The following CPEB4 variants were observed in gnomAD, a reference collection of about 807,000 sequenced individuals.
CPEB4 encodes the protein cytoplasmic polyadenylation element-binding protein 4.
Under a neutral mutation model 72.5 loss-of-function variants are expected in CPEB4, and 12 were observed. The observed-to-expected ratio is 0.17, with a 90% CI of 0.11 to 0.27. CPEB4 has a LOEUF of 0.27. CPEB4 is among the 10% of genes least tolerant of loss of function. The pLI, the probability that CPEB4 is intolerant of heterozygous loss-of-function variation, is 1.00. For synonymous variants in CPEB4, 302 were observed against 326.3 expected, an observed-to-expected ratio of 0.93 and a Z score of 0.80; for missense variants, 614 against 908.5, an observed-to-expected ratio of 0.68 and a Z score of 4.17.
At position 173,958,217 on chromosome 5, in the gene CPEB4, T is replaced by C. The variant is rs1758439432; in HGVS notation, c.*2080T>C. ...TTGTACATGACCTGCTGAATTTCGG[T>C]ACAGTGTTTTTGTAGCTAACTTATT... is the stretch of plus-strand genomic sequence containing the variant. On this transcript the variant is annotated 3_prime_UTR_variant, in exon 10 of 10. Coordinates refer to ENST00000265085, the MANE Select transcript of CPEB4 (RefSeq NM_030627.4). 6.5e-6 allele frequency: 1 copy of C among 152,794 alleles called. No homozygotes were observed. Among genetic ancestry groups the C allele is most frequent in the African/African-American group, 2.4e-5 (1 of 41,458 alleles). 9.5% of individuals were successfully genotyped at this position (152,794 alleles called of 1,614,324 possible). A position where few individuals can be genotyped will look rare whatever the true frequency, so the allele number is the denominator to read the frequency against.
intron 2 of CPEB4, among the ~76,000 whole-genome samples, chr5:173,912,080 A>C: frequency 6.6e-6 from 1 of 152,202 alleles, no homozygotes; most frequent in East Asian, 1.9e-4. Flanking sequence ...AAATAAGAAT[A>C]TTTGGAAGGT....
intron 1 of CPEB4, 37 bp from the exon 2 acceptor site, chr5:173,910,486 A>G (rs1756614605): frequency 1.4e-6 from 2 of 1,419,624 alleles, no homozygotes; most frequent in Non-Finnish European, 2.0e-6. Flanking sequence ...TTTAAATGCT[A>G]TTTTAAAAAG....
chr5:173,948,446 G>T (rs933374638), intron 5 of CPEB4, among the ~76,000 whole-genome samples: 1 of 152,142 alleles, frequency 6.6e-6, no homozygotes, highest in Admixed American at 6.5e-5. Context: ...GAGGCAGCAG[G>T]ATCACTTAAG....
At chr5:173,952,945 A>G (rs1758259413) in intron 8 of CPEB4, 146 bp from the exon 9 acceptor site, 2 of 652,344 alleles carry the variant, frequency 3.1e-6, no homozygotes, top group African/African-American at 1.8e-5. Context: ...AACACAATGG[A>G]TGACTGGTTG....
At chr5:173,928,002 A>G (rs577358935) in intron 2 of CPEB4, among the ~76,000 whole-genome samples, 15 of 152,354 alleles carry the variant, frequency 9.8e-5, no homozygotes, top group African/African-American at 3.6e-4. Context: ...ATGAAAAGAT[A>G]TGGAGGAACC....
chr5:173,930,990 C>A (rs1264970458), intron 2 of CPEB4, among the ~76,000 whole-genome samples: 226 of 79,962 alleles, frequency 2.8e-3, no homozygotes, highest in African/African-American at 5.3e-3. Context: ...GACTCTGTCT[C>A]AAAAAAAAAA....
At chr5:173,953,556 G>A in intron 9 of CPEB4, 1 of 379,996 alleles carries the variant, frequency 2.6e-6, no homozygotes, top group Non-Finnish European at 4.7e-6. Context: ...CACTTAGTTT[G>A]TAAGTCATTC....
At chr5:173,942,882 A>T (rs1757895816) in intron 3 of CPEB4, 144 bp from the exon 4 acceptor site, 1 of 761,078 alleles carries the variant, frequency 1.3e-6, no homozygotes, top group African/African-American at 1.8e-5. Context: ...TTGTTTTTTT[A>T]GACATTTACC....
chr5:173,914,360 A>G (rs1163490590), intron 2 of CPEB4, among the ~76,000 whole-genome samples: 1 of 152,240 alleles, frequency 6.6e-6, no homozygotes, highest in Non-Finnish European at 1.5e-5. Context: ...AAAAAAACAC[A>G]TTGTCATTTT....
At chr5:173,929,419 C>G (rs887839492) in intron 2 of CPEB4, among the ~76,000 whole-genome samples, 4 of 152,166 alleles carry the variant, frequency 2.6e-5, no homozygotes, top group Admixed American at 6.5e-5. Flanking sequence ...TCCCTTAGGG[C>G]TGGGTGAGGT....
intron 3 of CPEB4, among the ~76,000 whole-genome samples, chr5:173,932,958 A>G (rs966659360): frequency 9.9e-5 from 15 of 152,210 alleles, no homozygotes; most frequent in African/African-American, 3.4e-4. Flanking sequence ...AACAAGAAAC[A>G]TGAAGTTTTA....
intron 2 of CPEB4, among the ~76,000 whole-genome samples, chr5:173,911,310 G>A (rs1444627009): frequency 1.3e-5 from 2 of 148,906 alleles, no homozygotes; most frequent in South Asian, 2.1e-4. Flanking sequence ...TTGCCCTGTC[G>A]CCAGGCTGGA....
chr5:173,890,609 A>T lies in CPEB4; in HGVS notation c.876A>T (p.Ser292=). ...CGTGGAGCAGCTACCAGAGTCCGTC[A>T]CCAACACCCTCCTCTTCCTGGAGCC... is the stretch of plus-strand genomic sequence containing the variant. The part of the protein sequence containing the change: ...PSPWSSYQSP[S]PTPSSSWSPG... Residue 292 remains serine, a synonymous_variant, in exon 1 of 10, where the codon TCA becomes TCT. Transcript: ENST00000265085. 1 of 1,614,066 alleles carries T rather than the reference A, an allele frequency of 6.2e-7. No individual in the cohort carries two copies. The highest frequency in any genetic ancestry group is 1.3e-5 in the African/African-American group (1 of 75,018).
rs1561614193 is a variant in CPEB4 at position 173,914,799 on chromosome 5, A to G, written c.1207+4195A>G. On this transcript the variant is annotated intron_variant, in intron 2 of 9. Transcript: ENST00000265085. ...GAAAATTCGTGTTAATTCTGAGATTAGTAGAGAACAGTATACCACTCAGAA... is the reference window on the plus strand; with the variant it reads ...GAAAATTCGTGTTAATTCTGAGATTGGTAGAGAACAGTATACCACTCAGAA... 3.3e-5 allele frequency among the ~76,000 whole-genome samples: 5 copies of G among 152,328 alleles called. No individual in the cohort carries two copies. In the South Asian group the frequency reaches 1.0e-3, roughly 32 times the overall value.
At chr5:173,929,866 A>G (rs142322652) in intron 2 of CPEB4, among the ~76,000 whole-genome samples, 2 of 152,264 alleles carry the variant, frequency 1.3e-5, no homozygotes, top group African/African-American at 4.8e-5. Flanking sequence ...AATGTTATCA[A>G]ATATTTTTGT....
chr5:173,958,658 C>T lies in CPEB4; in HGVS notation c.*2521C>T, dbSNP rs533023959. 2 of 151,886 alleles carry T rather than the reference C, an allele frequency of 1.3e-5. No individual in the cohort carries two copies. The highest frequency in any genetic ancestry group is 2.9e-5 in the Non-Finnish European group (2 of 67,822). The allele number at this position is 151,886 out of a possible 1,614,324, so 9.4% of individuals were successfully genotyped here. On this transcript the variant is annotated 3_prime_UTR_variant, in exon 10 of 10. Coordinates refer to ENST00000265085, the MANE Select transcript of CPEB4 (RefSeq NM_030627.4). Reference sequence around the variant, plus strand: ...AAGTCACAAATTAATGAAAAAAATTCGCATGAAAATGACAGATAACACTGT... The same window carrying T: ...AAGTCACAAATTAATGAAAAAAATTTGCATGAAAATGACAGATAACACTGT...
Position 173,890,951 on chromosome 5 carries a change from A to T in CPEB4, c.1125+93A>T, listed in dbSNP as rs1581102235. On this transcript the variant is annotated intron_variant, in intron 1 of 9. Coordinates refer to ENST00000265085, the MANE Select transcript of CPEB4 (RefSeq NM_030627.4). ...TAGAGTTTGAAGTGCCCGTATTCAC[A>T]TCAGAGCTTTTCTTAGAGAGAAAAT... is the stretch of plus-strand genomic sequence containing the variant. 6 of 1,189,462 alleles carry T rather than the reference A, an allele frequency of 5.0e-6. No homozygotes were observed. The East Asian group carries it at 1.2e-4, about 25-fold the overall frequency. The allele number at this position is 1,189,462 out of a possible 1,614,324, so 73.7% of individuals were successfully genotyped here. A position where few individuals can be genotyped will look rare whatever the true frequency, so the allele number is the denominator to read the frequency against.
rs928682388 is a variant in CPEB4 at position 173,940,403 on chromosome 5, C to G, written c.1259-2623C>G. On this transcript the variant is annotated intron_variant, in intron 3 of 9. Coordinates refer to ENST00000265085, the MANE Select transcript of CPEB4 (RefSeq NM_030627.4). Reference sequence around the variant, plus strand: ...CAAATAACAGGCAATACTTGCTAGTCATGAGATTGGAAATCTGTCTGACAT... The same window carrying G: ...CAAATAACAGGCAATACTTGCTAGTGATGAGATTGGAAATCTGTCTGACAT... 2.0e-5 allele frequency among the ~76,000 whole-genome samples: 3 copies of G among 152,286 alleles called. No homozygotes were observed. In the South Asian group the frequency reaches 6.2e-4, roughly 32 times the overall value.
At chr5:173,949,468 A>C in intron 5 of CPEB4, 40 bp from the exon 6 acceptor site, 1 of 1,407,544 alleles carries the variant, frequency 7.1e-7, no homozygotes, top group Non-Finnish European at 9.9e-7. Context: ...AATGATCATA[A>C]AAATATTTAA....
Sources: allele counts gnomAD v4.1 joint callset (sites outside exome capture counted in the v4.1 genomes callset), GRCh38; gene constraint gnomAD v4.1.1; transcripts MANE v1.5; gene names NCBI Gene and HGNC (gene_info 2026-07-23, HGNC 2026-07-21).